DLGAP4: variants seen among roughly 807,000 people sequenced by gnomAD.
DLGAP4 encodes the protein disks large-associated protein 4.
Under a neutral mutation model 86.9 loss-of-function variants are expected in DLGAP4, and 18 were observed. That is an observed-to-expected ratio of 0.21 (90% CI 0.14 to 0.31). The LOEUF (loss-of-function observed/expected upper bound fraction) is 0.31, where lower values mean the gene tolerates loss of function less well. Ranked by LOEUF, DLGAP4 falls within the 10% of genes least tolerant of loss-of-function variation. The pLI is 1.00. For synonymous variants in DLGAP4, 548 were observed against 574.3 expected (o/e 0.95, Z 0.65); for missense variants, 1,085 against 1,362.6 (o/e 0.80, Z 3.21).
intron 10 of DLGAP4, among the ~76,000 whole-genome samples, chr20:36,506,338 G>A (rs114479991): frequency 0.02 from 3,089 of 152,272 alleles, 125 homozygotes; most frequent in African/African-American, 0.071. Context: ...CATACCAAAC[G>A]ATATTGGTAT....
At chr20:36,504,101 A>G (rs1333722414) in intron 10 of DLGAP4, among the ~76,000 whole-genome samples, 2 of 152,194 alleles carry the variant, frequency 1.3e-5, no homozygotes, top group East Asian at 3.9e-4. Flanking sequence ...AATATATATA[A>G]CATAAAGTTT....
chr20:36,337,472 A>G, intron 1 of DLGAP4, among the ~76,000 whole-genome samples: 1 of 152,056 alleles, frequency 6.6e-6, no homozygotes, highest in South Asian at 2.1e-4. Context: ...CCAGATAAAG[A>G]GGGAGTCCTA....
chr20:36,365,606 G>A (rs1262022688), intron 1 of DLGAP4, among the ~76,000 whole-genome samples: 2 of 152,194 alleles, frequency 1.3e-5, no homozygotes, highest in African/African-American at 4.8e-5. Flanking sequence ...AGCTCTCCGT[G>A]CCTTGGATGC....
chr20:36,390,197 A>G (rs2031739163), intron 2 of DLGAP4, among the ~76,000 whole-genome samples: 1 of 152,190 alleles, frequency 6.6e-6, no homozygotes, highest in African/African-American at 2.4e-5. Context: ...TGACCCCTGG[A>G]GATGACAATG....
intron 1 of DLGAP4, among the ~76,000 whole-genome samples, chr20:36,310,516 C>A (rs895715945): frequency 6.6e-6 from 1 of 152,182 alleles, no homozygotes; most frequent in South Asian, 2.1e-4. Flanking sequence ...CTCTGAGGGA[C>A]CTTCTGCCTT....
chr20:36,403,542 G>A (rs189742436), intron 2 of DLGAP4, among the ~76,000 whole-genome samples: 48 of 152,306 alleles, frequency 3.2e-4, no homozygotes, highest in African/African-American at 1.1e-3. Context: ...CAAGGAGACC[G>A]ATAGTCTGAG....
chr20:36,451,764 G>GTT (rs1322926695), intron 7 of DLGAP4, among the ~76,000 whole-genome samples: 31 of 145,870 alleles, frequency 2.1e-4, no homozygotes, highest in African/African-American at 7.4e-4. Flanking sequence ...CCCTGAGGCT[G>GTT]TATTTTTTTT....
chr20:36,341,982 G>A (rs186517817), intron 1 of DLGAP4, among the ~76,000 whole-genome samples: 1 of 152,342 alleles, frequency 6.6e-6, no homozygotes, highest in Admixed American at 6.5e-5. Flanking sequence ...ATTGAAGAGT[G>A]GGAACAGCAG....
chr20:36,442,784 A>G lies in DLGAP4; in HGVS notation c.1407+7A>G. On this transcript the variant is annotated splice_region_variant and intron_variant, in intron 6 of 12. Transcript: ENST00000339266. ...GTTTGGCCATGAGCAGCAGGTCAGT[A>G]TGTTTGCCCTTCTCTTCCACCCCAA... is the stretch of plus-strand genomic sequence containing the variant. 1.9e-6 allele frequency: 3 copies of G among 1,614,078 alleles called. No individual in the cohort carries two copies. The highest frequency in any genetic ancestry group is 3.3e-5 in the Admixed American group (2 of 60,010).
chr20:36,390,226 T>C (rs2031740121), intron 2 of DLGAP4, among the ~76,000 whole-genome samples: 1 of 152,178 alleles, frequency 6.6e-6, no homozygotes, highest in African/African-American at 2.4e-5. Context: ...GAGTTCCCCA[T>C]CAGACCCAGC....
chr20:36,371,613 C>G (rs1298074206), intron 2 of DLGAP4, among the ~76,000 whole-genome samples: 1 of 152,206 alleles, frequency 6.6e-6, no homozygotes, highest in Non-Finnish European at 1.5e-5. Context: ...TGGGGACAAC[C>G]CATTTGTCCA....
chr20:36,389,628 A>T (rs947161700), intron 2 of DLGAP4, among the ~76,000 whole-genome samples: 47 of 152,194 alleles, frequency 3.1e-4, no homozygotes, highest in Non-Finnish European at 2.6e-4. Flanking sequence ...CTCTCTTTTT[A>T]AAAAAAATTA....
At chr20:36,357,814 G>A (rs2030380390) in intron 1 of DLGAP4, among the ~76,000 whole-genome samples, 1 of 152,248 alleles carries the variant, frequency 6.6e-6, no homozygotes, top group African/African-American at 2.4e-5. Flanking sequence ...ATTTTCCACA[G>A]ACTTTGGAAG....
At chr20:36,499,177 T>A in intron 8 of DLGAP4, 1 of 1,458,616 alleles carries the variant, frequency 6.9e-7, no homozygotes, top group Non-Finnish European at 9.5e-7. Flanking sequence ...TGGCTTTGTG[T>A]GTGTGTGTGT....
At chr20:36,467,711 C>A (rs1055348082) in intron 7 of DLGAP4, among the ~76,000 whole-genome samples, 1 of 152,212 alleles carries the variant, frequency 6.6e-6, no homozygotes, top group African/African-American at 2.4e-5. Context: ...CTTAGGAAAG[C>A]TTGGCCAGCG....
intron 7 of DLGAP4, among the ~76,000 whole-genome samples, chr20:36,447,567 C>T (rs1379402474): frequency 2.0e-5 from 3 of 152,116 alleles, no homozygotes; most frequent in African/African-American, 7.2e-5. Flanking sequence ...ATTACAGACA[C>T]ATGCCACCAT....
At chr20:36,363,727 G>A (rs1391979026) in intron 1 of DLGAP4, among the ~76,000 whole-genome samples, 1 of 152,206 alleles carries the variant, frequency 6.6e-6, no homozygotes, top group Non-Finnish European at 1.5e-5. Flanking sequence ...ATTTGCCTGG[G>A]ATTGCTTGGC....
At chr20:36,405,599 A>T (rs1227487926) in intron 2 of DLGAP4, among the ~76,000 whole-genome samples, 1 of 152,026 alleles carries the variant, frequency 6.6e-6, no homozygotes, top group Non-Finnish European at 1.5e-5. Context: ...ATGATGGTGG[A>T]TGGGGCAGGG....
intron 6 of DLGAP4, among the ~76,000 whole-genome samples, chr20:36,445,915 T>C (rs2033580344): frequency 6.6e-6 from 1 of 152,224 alleles, no homozygotes; most frequent in Non-Finnish European, 1.5e-5. Flanking sequence ...TCAATGCTCA[T>C]ACCCTTGGCT....
Sources: allele counts gnomAD v4.1 joint callset (sites outside exome capture counted in the v4.1 genomes callset), GRCh38; gene constraint gnomAD v4.1.1; transcripts MANE v1.5; gene names NCBI Gene and HGNC (gene_info 2026-07-23, HGNC 2026-07-21).